The following PDE1A variants were observed in gnomAD, a reference collection of about 807,000 sequenced individuals.
The protein encoded by PDE1A is dual specificity calcium/calmodulin-dependent 3',5'-cyclic nucleotide phosphodiesterase 1A.
PDE1A carries 35 observed loss-of-function variants against 61.7 expected under a neutral mutation model. That is an observed-to-expected ratio of 0.57 (90% CI 0.43 to 0.75). The LOEUF is 0.75. Ranked by LOEUF, PDE1A falls within the 30% of genes least tolerant of loss-of-function variation. The probability of loss-of-function intolerance (pLI) is 0.00; values close to 1 mark genes in which losing one functional copy is unlikely to be tolerated. For synonymous variants in PDE1A, 232 were observed against 213.2 expected, an observed-to-expected ratio of 1.09 and a Z score of -0.77; for missense variants, 597 against 630.6, an observed-to-expected ratio of 0.95 and a Z score of 0.57.
chr2:182,322,663 A>C (rs1442290183), intron 1 of PDE1A, among the ~76,000 whole-genome samples: 1 of 152,190 alleles, frequency 6.6e-6, no homozygotes, highest in East Asian at 1.9e-4. Flanking sequence ...TCTGTTAGAC[A>C]ATTAAAAAGT....
Position 182,238,726 on chromosome 2 carries a change from T to C in PDE1A, c.350+1384A>G, listed in dbSNP as rs530397280. Among the ~76,000 whole-genome samples the C allele has an allele frequency of 4.6e-5, 7 of 152,370 alleles. No homozygotes were observed. In the East Asian group the frequency reaches 9.6e-4, roughly 21 times the overall value. On this transcript the variant is annotated intron_variant, in intron 3 of 13. Transcript: ENST00000351439. ...CATTGATTTCTTAAAGACTGCTTAC[T>C]AATTTAGTTACCTGAAGAACAATTT...
At chr2:182,426,489 C>A in intron 1 of PDE1A, 89 bp downstream of exon 1, 2 of 928,650 alleles carry the variant, frequency 2.2e-6, no homozygotes, top group Non-Finnish European at 3.6e-6. Flanking sequence ...TCTGCTGTAG[C>A]TTAGTGGCAG....
intron 7 of PDE1A, among the ~76,000 whole-genome samples, chr2:182,213,060 C>T (rs1206363188): frequency 3.3e-5 from 5 of 150,200 alleles, no homozygotes; most frequent in Non-Finnish European, 7.4e-5. Context: ...CAGCATGCAG[C>T]TGGAGATCTG....
rs973135651 is a variant in PDE1A, at chr2:182,170,109, C to T, written c.1517-1819G>A. On this transcript the variant is annotated intron_variant, in intron 13 of 13. Coordinates refer to ENST00000351439, the Ensembl canonical transcript of PDE1A. ...AGTTTAGAGAATTTAACTAAACCAA[C>T]CCATCATAATTAACTTCTAGAACAT... 3.5e-4 allele frequency among the ~76,000 whole-genome samples: 53 copies of T among 151,980 alleles called. 1 individual carries two copies. The highest frequency in any genetic ancestry group is 8.9e-4 in the African/African-American group (37 of 41,400).
intron 1 of PDE1A, among the ~76,000 whole-genome samples, chr2:182,336,031 T>C (rs2118486): frequency 0.37 from 55,630 of 152,054 alleles, 12,281 homozygotes; most frequent in Non-Finnish European, 0.48. Context: ...TCATCATCAC[T>C]GGTCATTAGA....
chr2:182,482,968 C>T (rs1377167740), intron 2 of PDE1A, among the ~76,000 whole-genome samples: 2 of 151,834 alleles, frequency 1.3e-5, no homozygotes, highest in African/African-American at 4.8e-5. Context: ...TAGATACAGA[C>T]ATAAACAGGT....
chr2:182,169,795 A>C (rs1436165276), intron 13 of PDE1A, among the ~76,000 whole-genome samples: 1 of 151,804 alleles, frequency 6.6e-6, no homozygotes, highest in Non-Finnish European at 1.5e-5. Flanking sequence ...ACATTTTATC[A>C]TCACCAAGCC....
intron 2 of PDE1A, among the ~76,000 whole-genome samples, chr2:182,489,122 C>T (rs1460599937): frequency 1.3e-5 from 2 of 151,818 alleles, no homozygotes; most frequent in Non-Finnish European, 2.9e-5. Flanking sequence ...TGAGTTGAGC[C>T]CTAAAGGAGG....
At chr2:182,634,821 TATGG>T in the PDE1A span, among the ~76,000 whole-genome samples, 1 of 152,238 alleles carries the variant, frequency 6.6e-6, no homozygotes, top group South Asian at 2.1e-4. Flanking sequence ...ACACAGCATA[TATGG>T]ATGATGATTC....
At chr2:182,657,385 CA>C in the PDE1A span, among the ~76,000 whole-genome samples, 7 of 152,294 alleles carry the variant, frequency 4.6e-5, no homozygotes, top group African/African-American at 1.7e-4. Flanking sequence ...AACACTATTA[CA>C]AATATAAATC....
chr2:182,186,071 G>T (rs762022870), exon 13 of PDE1A: 2 of 1,613,564 alleles, frequency 1.2e-6, no homozygotes, highest in East Asian at 4.5e-5. Flanking sequence ...CCCCACAATG[G>T]TGGTTGAGCT....
At chr2:182,383,287 A>G (rs967274395) in intron 1 of PDE1A, among the ~76,000 whole-genome samples, 15 of 152,072 alleles carry the variant, frequency 9.9e-5, no homozygotes, top group African/African-American at 3.6e-4. Flanking sequence ...CAAATTCTCA[A>G]GTGCTTCTTA....
chr2:182,599,284 C>G, the PDE1A span, among the ~76,000 whole-genome samples: 1 of 152,166 alleles, frequency 6.6e-6, no homozygotes, highest in Non-Finnish European at 1.5e-5. Flanking sequence ...GGGCTGTCAA[C>G]TAAAGCAGCT....
the PDE1A span, among the ~76,000 whole-genome samples, chr2:182,618,427 G>A: frequency 1.3e-5 from 2 of 152,032 alleles, no homozygotes; most frequent in Non-Finnish European, 2.9e-5. Flanking sequence ...GGATGAACTC[G>A]TTATAGTATC....
chr2:182,202,021 C>T (rs192980490), intron 8 of PDE1A, among the ~76,000 whole-genome samples: 30 of 152,346 alleles, frequency 2.0e-4, no homozygotes, highest in African/African-American at 7.2e-4. Flanking sequence ...GTTCACACCT[C>T]CCTGAAGAGC....
At chr2:182,507,037 T>G (rs909845236) in intron 2 of PDE1A, among the ~76,000 whole-genome samples, 6 of 152,224 alleles carry the variant, frequency 3.9e-5, no homozygotes, top group Non-Finnish European at 2.9e-5. Flanking sequence ...TTGATAGTGT[T>G]GCTGGTGAAA....
At chr2:182,165,022 C>T (rs1382560653), downstream of PDE1A, among the ~76,000 whole-genome samples, 1 of 152,156 alleles carries the variant, frequency 6.6e-6, no homozygotes, top group Non-Finnish European at 1.5e-5. Flanking sequence ...GTTTCCCATT[C>T]TCCTGAAGAA....
the PDE1A span, among the ~76,000 whole-genome samples, chr2:182,692,317 A>C: frequency 6.6e-6 from 1 of 152,194 alleles, no homozygotes; most frequent in Non-Finnish European, 1.5e-5. Flanking sequence ...TGGCACATAT[A>C]CACCACGGAA....
intron 1 of PDE1A, among the ~76,000 whole-genome samples, chr2:182,379,344 A>T (rs1343172999): frequency 6.6e-6 from 1 of 152,218 alleles, no homozygotes; most frequent in Non-Finnish European, 1.5e-5. Context: ...TCCTGACATA[A>T]ATTACAAATG....
Sources: allele counts gnomAD v4.1 joint callset (sites outside exome capture counted in the v4.1 genomes callset), GRCh38; gene constraint gnomAD v4.1.1; transcripts MANE v1.5; gene names NCBI Gene and HGNC (gene_info 2026-07-23, HGNC 2026-07-21).